Variants in DGKI observed in about 807,000 individuals in gnomAD.
The protein encoded by DGKI is DAG kinase iota.
In DGKI, 55 loss-of-function variants were observed where a neutral mutation model predicts 147.5. That is an observed-to-expected ratio of 0.37 (90% CI 0.30 to 0.47). The LOEUF is 0.47. Among genes scored for constraint, DGKI ranks in the 20% least tolerant of loss-of-function variants. DGKI has a pLI of 1.00. For missense variants in DGKI, 1,007 were observed against 1,323.8 expected (o/e 0.76, Z 3.71); for synonymous variants, 469 against 477.1 (o/e 0.98, Z 0.22).
At chr7:137,807,044 T>C (rs1424149981) in intron 1 of DGKI, among the ~76,000 whole-genome samples, 1 of 152,186 alleles carries the variant, frequency 6.6e-6, no homozygotes, top group African/African-American at 2.4e-5. Flanking sequence ...TGCTAAACTT[T>C]TAATCCTGGG....
chr7:137,487,701 G>T lies in DGKI; in HGVS notation c.2249-12C>A. 6.2e-7 allele frequency: 1 copy of T among 1,609,920 alleles called. No homozygotes were observed. Among genetic ancestry groups the T allele is most frequent in the Non-Finnish European group, 8.5e-7 (1 of 1,177,578 alleles). ...ACCCAGAGGTATCGCTAAGGGTGAAGGAAGAAGAAAAATCTAAAATAACAT... is the reference window on the plus strand; with the variant it reads ...ACCCAGAGGTATCGCTAAGGGTGAATGAAGAAGAAAAATCTAAAATAACAT... On this transcript the variant is annotated splice_polypyrimidine_tract_variant and intron_variant, in intron 21 of 32. Coordinates refer to ENST00000614521, the MANE Select transcript of DGKI (RefSeq NM_001321708.2).
chr7:137,585,893 T>A (rs1390535485), intron 13 of DGKI, among the ~76,000 whole-genome samples: 1 of 152,196 alleles, frequency 6.6e-6, no homozygotes, highest in Admixed American at 6.5e-5. Flanking sequence ...GATCCATTAC[T>A]GACAGCACGA....
At chr7:137,469,466 A>G (rs1814795352) in intron 24 of DGKI, 84 bp downstream of exon 24, 8 of 1,412,214 alleles carry the variant, frequency 5.7e-6, no homozygotes, top group Non-Finnish European at 8.0e-6. Context: ...ATCTTTTGGA[A>G]AACTAGAGCC....
intron 6 of DGKI, among the ~76,000 whole-genome samples, chr7:137,639,881 C>G (rs542371764): frequency 2.0e-5 from 3 of 152,226 alleles, no homozygotes; most frequent in Admixed American, 6.5e-5. Flanking sequence ...AAAAACTGTA[C>G]ATACTTCATG....
At chr7:137,833,047 A>G (rs1798263493) in intron 1 of DGKI, among the ~76,000 whole-genome samples, 1 of 152,150 alleles carries the variant, frequency 6.6e-6, no homozygotes, top group Admixed American at 6.5e-5. Context: ...CACTATGAGC[A>G]TTTTTGTCAA....
rs1562987299 is a variant in DGKI at position 137,386,960 on chromosome 7, T to A, written c.*4260A>T. The A allele has an allele frequency of 6.6e-6, 1 of 152,178 alleles. No individual in the cohort carries two copies. Among genetic ancestry groups the A allele is most frequent in the Non-Finnish European group, 1.5e-5 (1 of 68,022 alleles). 9.4% of individuals were successfully genotyped at this position (152,178 alleles called of 1,614,324 possible). ...ACAATTAGTAGTTTTATTTGATGGT[T>A]ATGATGAGCCATTTTAACAAAGTCC... is the stretch of plus-strand genomic sequence containing the variant. On this transcript the variant is annotated 3_prime_UTR_variant, in exon 33 of 33. Transcript: ENST00000614521.
chr7:137,704,785 T>C (rs1793958743), intron 1 of DGKI, among the ~76,000 whole-genome samples: 6 of 152,088 alleles, frequency 3.9e-5, no homozygotes, highest in Admixed American at 3.9e-4. Context: ...AAATAAATCA[T>C]CACATGCAAG....
At chr7:137,448,536 G>A (rs1297177303) in intron 27 of DGKI, among the ~76,000 whole-genome samples, 3 of 136,690 alleles carry the variant, frequency 2.2e-5, no homozygotes, top group South Asian at 2.6e-4. Context: ...GTGAGGGAGG[G>A]AGGGAAGGGG....
intron 1 of DGKI, among the ~76,000 whole-genome samples, chr7:137,831,193 G>A (rs1053870248): frequency 3.3e-5 from 5 of 152,176 alleles, no homozygotes; most frequent in Non-Finnish European, 7.3e-5. Context: ...TGGGCCATTC[G>A]CCAATGATAT....
rs773962250 is a variant in DGKI at position 137,689,890 on chromosome 7, C to T, written c.510+4G>A. ...GATGTTTAAATGAAAAGGCCAACAC[C>T]TACACTCCAGTCCAAAGTCGCTCTG... On this transcript the variant is annotated splice_donor_region_variant and intron_variant, in intron 2 of 32. Coordinates refer to ENST00000614521, the MANE Select transcript of DGKI (RefSeq NM_001321708.2). 3.2e-6 allele frequency: 5 copies of T among 1,560,410 alleles called. No individual in the cohort carries two copies. The African/African-American group carries it at 6.9e-5, about 22-fold the overall frequency.
intron 1 of DGKI, among the ~76,000 whole-genome samples, chr7:137,718,441 G>A (rs566473754): frequency 2.6e-5 from 4 of 152,152 alleles, no homozygotes; most frequent in Non-Finnish European, 4.4e-5. Flanking sequence ...GAAGGGAACC[G>A]CAGCCAGGGA....
intron 12 of DGKI, among the ~76,000 whole-genome samples, chr7:137,595,907 C>T (rs2128987442): frequency 7.3e-6 from 1 of 137,084 alleles, no homozygotes; most frequent in South Asian, 2.4e-4. Flanking sequence ...GAGGCTGAGG[C>T]AAGAGAATCA....
intron 23 of DGKI, among the ~76,000 whole-genome samples, chr7:137,480,877 A>T (rs1012793700): frequency 1.3e-5 from 2 of 152,050 alleles, no homozygotes; most frequent in Non-Finnish European, 2.9e-5. Flanking sequence ...TCTACAAAAA[A>T]ACCCCTCTAA....
intron 19 of DGKI, 84 bp downstream of exon 19, chr7:137,571,091 A>G: frequency 1.0e-6 from 1 of 992,270 alleles, no homozygotes; most frequent in South Asian, 1.9e-5. Flanking sequence ...AAAGCAGGAG[A>G]AAAAGTTAAC....
chr7:137,702,211 A>T (rs1824007513), intron 1 of DGKI, among the ~76,000 whole-genome samples: 1 of 152,352 alleles, frequency 6.6e-6, no homozygotes, highest in African/African-American at 2.4e-5. Context: ...AAAGCATTTT[A>T]AAAAACTGAA....
chr7:137,682,924 A>G (rs1321289663), intron 2 of DGKI, among the ~76,000 whole-genome samples: 1 of 152,194 alleles, frequency 6.6e-6, no homozygotes, highest in East Asian at 1.9e-4. Flanking sequence ...AACCACCTGG[A>G]ATAGTCTTGG....
At chr7:137,665,077 G>A (rs1563139824) in intron 3 of DGKI, among the ~76,000 whole-genome samples, 1 of 152,216 alleles carries the variant, frequency 6.6e-6, no homozygotes, top group Non-Finnish European at 1.5e-5. Context: ...CTGGGGGCCA[G>A]TGTTGGGGAG....
At chr7:137,442,683 G>A (rs1227209477) in intron 28 of DGKI, among the ~76,000 whole-genome samples, 1 of 152,204 alleles carries the variant, frequency 6.6e-6, no homozygotes, top group Non-Finnish European at 1.5e-5. Context: ...ATTCTTCATA[G>A]AGAATAACAC....
intron 8 of DGKI, among the ~76,000 whole-genome samples, chr7:137,610,588 G>C (rs1202413658): frequency 2.0e-5 from 3 of 152,180 alleles, no homozygotes; most frequent in Non-Finnish European, 4.4e-5. Context: ...TATAATAGAT[G>C]TTTAACAAAG....
Sources: gnomAD v4.1 joint callset for allele counts (sites outside exome capture counted in the v4.1 genomes callset) on GRCh38, gnomAD v4.1.1 for gene constraint, MANE v1.5 for transcripts, NCBI Gene and HGNC (gene_info 2026-07-23, HGNC 2026-07-21) for gene names.